The following MED12L variants were observed in gnomAD, a reference collection of about 807,000 sequenced individuals.
The protein encoded by MED12L is mediator complex subunit 12L.
MED12L carries 60 observed loss-of-function variants against 281.3 expected under a neutral mutation model. That is an observed-to-expected ratio of 0.21 (90% CI 0.17 to 0.26). MED12L has a LOEUF of 0.26. MED12L is among the 10% of genes least tolerant of loss of function. The pLI is 1.00. For missense variants in MED12L, 2,146 were observed against 2,680.9 expected (o/e 0.80, Z 4.41); for synonymous variants, 974 against 987.2 (o/e 0.99, Z 0.25).
In MED12L at chr3:151,107,008, G is replaced by A. The variant is rs965821178; in HGVS notation, c.100-9330G>A. Among the ~76,000 whole-genome samples the A allele has an allele frequency of 4.0e-5, 6 of 150,702 alleles. No homozygotes were observed. The East Asian group carries it at 1.2e-3, about 29-fold the overall frequency. On this transcript the variant is annotated intron_variant, in intron 2 of 44. Transcript: ENST00000687756. ...TCTTCTAATTGGAGTCTTAGTCCACGAATATTTAATTAGCATTTAATGTGC... is the reference window on the plus strand; with the variant it reads ...TCTTCTAATTGGAGTCTTAGTCCACAAATATTTAATTAGCATTTAATGTGC...
chr3:151,298,622 A>G (rs62283027), intron 16 of MED12L, among the ~76,000 whole-genome samples: 30,379 of 152,046 alleles, frequency 0.2, 3,767 homozygotes, highest in Non-Finnish European at 0.27. Flanking sequence ...TACTAGTTCC[A>G]TAGTAAATTA....
At chr3:151,264,491 T>C (rs75358588) in intron 16 of MED12L, among the ~76,000 whole-genome samples, 4,226 of 152,320 alleles carry the variant, frequency 0.028, 90 homozygotes, top group Non-Finnish European at 0.045. Context: ...TATTAGTTGG[T>C]TTATGATTGT....
intron 5 of MED12L, among the ~76,000 whole-genome samples, chr3:151,154,931 G>T (rs1027334778): frequency 6.6e-6 from 1 of 152,116 alleles, no homozygotes; most frequent in African/African-American, 2.4e-5. Context: ...TCGTCTTTTC[G>T]CATTGGCTTG....
chr3:151,164,868 G>A (rs1720480765), intron 9 of MED12L, among the ~76,000 whole-genome samples: 1 of 151,986 alleles, frequency 6.6e-6, no homozygotes, highest in Admixed American at 6.6e-5. Flanking sequence ...GGGGGTAGGG[G>A]GTAGGGATGG....
rs187664792 is a variant in MED12L at position 151,230,371 on chromosome 3, G to T, written c.2250+36705G>T. On this transcript the variant is annotated intron_variant, in intron 16 of 44. Coordinates refer to ENST00000687756, the MANE Select transcript of MED12L (RefSeq NM_001393769.1). ...TCAATAGAAGTCAGTCAAGTACAGT[G>T]TAAGAAAATAGTCTTATGTCTTGCC... Among the ~76,000 whole-genome samples the T allele has an allele frequency of 6.0e-3, 911 of 152,340 alleles. 24 individuals are homozygous for T. The highest frequency in any genetic ancestry group is 0.033 in the Admixed American group (505 of 15,298).
intron 16 of MED12L, among the ~76,000 whole-genome samples, chr3:151,262,710 C>T (rs1044040214): frequency 6.6e-6 from 1 of 152,100 alleles, no homozygotes; most frequent in Non-Finnish European, 1.5e-5. Flanking sequence ...TATTTTGTTG[C>T]AAATGGTAAA....
chr3:151,181,041 TA>T (rs927844292), intron 11 of MED12L, among the ~76,000 whole-genome samples: 58 of 148,784 alleles, frequency 3.9e-4, no homozygotes, highest in African/African-American at 9.1e-4. Context: ...TTTAAAAGAT[TA>T]AAAAAAAAAC....
intron 16 of MED12L, among the ~76,000 whole-genome samples, chr3:151,247,328 G>A (rs1482009397): frequency 2.0e-5 from 3 of 152,004 alleles, no homozygotes; most frequent in African/African-American, 4.8e-5. Context: ...GTTTATTGTG[G>A]CATTATTCAC....
chr3:151,219,900 C>G (rs1015523947), intron 16 of MED12L, among the ~76,000 whole-genome samples: 2 of 140,274 alleles, frequency 1.4e-5, no homozygotes, highest in Non-Finnish European at 3.1e-5. Flanking sequence ...TACCCCCCCC[C>G]CCCCCTTGGA....
chr3:151,086,145 G>A (rs2148579605), intron 1 of MED12L, among the ~76,000 whole-genome samples: 1 of 152,238 alleles, frequency 6.6e-6, no homozygotes. Flanking sequence ...TCCAGCCGCC[G>A]CGACCGCCAG....
At chr3:151,402,177 A>G (rs1715770672) in intron 39 of MED12L, among the ~76,000 whole-genome samples, 1 of 152,164 alleles carries the variant, frequency 6.6e-6, no homozygotes, top group African/African-American at 2.4e-5. Context: ...TTTTTCTATT[A>G]TTGGTGAAAT....
rs551499926 is a variant in MED12L, at chr3:151,171,219, C to T, written c.1494+5237C>T. 3.3e-5 allele frequency among the ~76,000 whole-genome samples: 5 copies of T among 152,194 alleles called. No individual in the cohort carries two copies. In the South Asian group the frequency reaches 1.0e-3, roughly 32 times the overall value. ...GGAGTCGTTATGTGGACAGTGGGAC[C>T]CCTGGTTTCCACATGCTCACTGAGC... On this transcript the variant is annotated intron_variant, in intron 11 of 44. Transcript: ENST00000687756.
intron 16 of MED12L, among the ~76,000 whole-genome samples, chr3:151,314,344 C>T (rs937122): frequency 7.9e-5 from 12 of 152,062 alleles, no homozygotes; most frequent in South Asian, 2.1e-4. Flanking sequence ...GAGAGGATTT[C>T]GTAATATTTG....
intron 16 of MED12L, among the ~76,000 whole-genome samples, chr3:151,258,469 A>T (rs560035541): frequency 6.6e-6 from 1 of 152,320 alleles, no homozygotes; most frequent in South Asian, 2.1e-4. Flanking sequence ...CCCTGGGTTA[A>T]ATTCCAGGGT....
At chr3:151,149,851 T>C (rs1260230546) in intron 5 of MED12L, among the ~76,000 whole-genome samples, 1 of 152,214 alleles carries the variant, frequency 6.6e-6, no homozygotes, top group East Asian at 1.9e-4. Context: ...GTTTGCTCAT[T>C]TATGAGAGGC....
At chr3:151,140,853 T>C (rs1320453513) in intron 5 of MED12L, among the ~76,000 whole-genome samples, 1 of 144,628 alleles carries the variant, frequency 6.9e-6, no homozygotes, top group Non-Finnish European at 1.5e-5. Context: ...ATAATTTTGT[T>C]TGTTTGTTTG....
At chr3:151,308,179 T>A (rs1577293938) in intron 16 of MED12L, among the ~76,000 whole-genome samples, 1 of 152,252 alleles carries the variant, frequency 6.6e-6, no homozygotes, top group East Asian at 1.9e-4. Context: ...GAAATATGCT[T>A]TTCTTAAACA....
intron 3 of MED12L, among the ~76,000 whole-genome samples, chr3:151,120,230 AAAAAC>A (rs1713545427): frequency 1.3e-5 from 2 of 152,122 alleles, no homozygotes; most frequent in East Asian, 1.9e-4. Flanking sequence ...TCTCAAAAAA[AAAAAC>A]AAAACGAAAA....
intron 16 of MED12L, among the ~76,000 whole-genome samples, chr3:151,343,152 T>A (rs1752087542): frequency 6.6e-6 from 1 of 152,150 alleles, no homozygotes; most frequent in East Asian, 1.9e-4. Flanking sequence ...TTCAATAAAA[T>A]AAGGACCATA....
Sources: gnomAD v4.1 joint callset for allele counts (sites outside exome capture counted in the v4.1 genomes callset) on GRCh38, gnomAD v4.1.1 for gene constraint, MANE v1.5 for transcripts, NCBI Gene and HGNC (gene_info 2026-07-23, HGNC 2026-07-21) for gene names.